Variants in SOX5 observed in about 807,000 individuals in gnomAD.
SOX5 encodes the protein SRY-box transcription factor 5, also known as transcription factor SOX-5.
Under a neutral mutation model 92.0 loss-of-function variants are expected in SOX5, and 9 were observed. That is an observed-to-expected ratio of 0.10 (90% CI 0.06 to 0.17). The LOEUF (loss-of-function observed/expected upper bound fraction) is 0.17. Ranked by LOEUF, SOX5 falls within the 10% of genes least tolerant of loss-of-function variation. SOX5 has a pLI of 1.00. For missense variants in SOX5, 642 were observed against 944.5 expected, an observed-to-expected ratio of 0.68 and a Z score of 4.20; for synonymous variants, 344 against 336.3, an observed-to-expected ratio of 1.02 and a Z score of -0.25.
At chr12:24,415,335 C>G (rs1964841403) in intron 1 of SOX5, among the ~76,000 whole-genome samples, 1 of 152,176 alleles carries the variant, frequency 6.6e-6, no homozygotes, top group African/African-American at 2.4e-5. Flanking sequence ...ACTTGTTCCT[C>G]TTTCCAGCCA....
At chr12:24,356,056 AG>A (rs1405576190) in intron 2 of SOX5, among the ~76,000 whole-genome samples, 1 of 152,254 alleles carries the variant, frequency 6.6e-6, no homozygotes, top group Non-Finnish European at 1.5e-5. Flanking sequence ...TTCACATAAA[AG>A]TGGACATTTT....
At chr12:24,209,253 G>A (rs1958339646) in intron 4 of SOX5, among the ~76,000 whole-genome samples, 1 of 152,154 alleles carries the variant, frequency 6.6e-6, no homozygotes, top group Non-Finnish European at 1.5e-5. Context: ...TCCACTGTCT[G>A]TGGCAGAAAG....
rs144824530 is a variant in SOX5, at chr12:23,734,744, T to C, written c.750A>G (p.Arg250=). The change falls in exon 6 of 15, where the codon AGA becomes AGG. Residue 250 remains arginine, a synonymous_variant. Transcript: ENST00000451604. ...GTTGCTGTAGAAGCTGCTGCTGCTG[T>C]CTTGCAATCTGTGAAGAAATTGCAC... The part of the protein sequence containing the change: ...LAKQQQEQIA[R]QQQQLLQQQH... 2,327 of 1,612,996 alleles carry C rather than the reference T, an allele frequency of 1.4e-3. 7 individuals carry two copies. The highest frequency in any genetic ancestry group is 1.3e-3 in the Non-Finnish European group (1,543 of 1,179,352).
intron 6 of SOX5, among the ~76,000 whole-genome samples, chr12:23,681,810 A>G (rs548536447): frequency 7.9e-5 from 12 of 151,950 alleles, no homozygotes; most frequent in African/African-American, 2.9e-4. Context: ...GTATATTTTA[A>G]TGTATTTTAA....
At position 23,888,637 on chromosome 12, in the gene SOX5, A is replaced by C. The variant is rs578010108; in HGVS notation, c.270+7156T>G. 5.9e-5 allele frequency among the ~76,000 whole-genome samples: 9 copies of C among 152,296 alleles called. No individual in the cohort carries two copies. The Middle Eastern group carries it at 0.014, about 230-fold the overall frequency. ...TATCCAGTGGCTTTGATGGACCCCAACTGATTGTTTTTCACACGTCCCCAT... is the reference window on the plus strand; with the variant it reads ...TATCCAGTGGCTTTGATGGACCCCACCTGATTGTTTTTCACACGTCCCCAT... On this transcript the variant is annotated intron_variant, in intron 2 of 14. Transcript: ENST00000451604.
At chr12:24,031,740 T>G (rs1955529263) in intron 4 of SOX5, among the ~76,000 whole-genome samples, 1 of 151,484 alleles carries the variant, frequency 6.6e-6, no homozygotes, top group Non-Finnish European at 1.5e-5. Context: ...ATCATTGGCA[T>G]GCAGCATGAA....
chr12:23,681,845 T>C (rs1479204118), intron 6 of SOX5, among the ~76,000 whole-genome samples: 1 of 151,806 alleles, frequency 6.6e-6, no homozygotes, highest in Non-Finnish European at 1.5e-5. Context: ...CATGAAATAG[T>C]TTATAATGAA....
At chr12:23,790,518 ACTCTCTCTCT>A in intron 3 of SOX5, among the ~76,000 whole-genome samples, 1 of 80,164 alleles carries the variant, frequency 1.2e-5, no homozygotes. Context: ...ACCTCTCACA[ACTCTCTCTCT>A]CTCTCTCTCT....
intron 3 of SOX5, among the ~76,000 whole-genome samples, chr12:23,761,921 AATTT>A (rs1229287363): frequency 6.6e-6 from 1 of 152,082 alleles, no homozygotes; most frequent in Non-Finnish European, 1.5e-5. Context: ...TATTTAACCG[AATTT>A]ATTTTTCTTC....
intron 3 of SOX5, among the ~76,000 whole-genome samples, chr12:23,756,370 G>A (rs1280534347): frequency 6.6e-6 from 1 of 151,798 alleles, no homozygotes; most frequent in East Asian, 1.9e-4. Flanking sequence ...CTTTTAAAAT[G>A]CCCTGTATTC....
chr12:23,558,871 G>A lies in SOX5; in HGVS notation c.1488+4387C>T, dbSNP rs940303681. On this transcript the variant is annotated intron_variant, in intron 11 of 14. Coordinates refer to ENST00000451604, the MANE Select transcript of SOX5 (RefSeq NM_006940.6). ...GCCTGCCTCAGCCTCCCAAAGTGCT[G>A]GGATGAGAGGTGTGAGCCACCGTGC... Among the ~76,000 whole-genome samples the A allele has an allele frequency of 8.5e-5, 13 of 152,312 alleles. No homozygotes were observed. In the South Asian group the frequency reaches 1.9e-3, roughly 22 times the overall value.
At chr12:24,088,519 G>A (rs1201893551) in intron 4 of SOX5, among the ~76,000 whole-genome samples, 4 of 151,816 alleles carry the variant, frequency 2.6e-5, no homozygotes, top group Non-Finnish European at 4.4e-5. Flanking sequence ...GAAGCACCGA[G>A]AGAAAACACA....
At chr12:23,888,261 C>T (rs1385375046) in intron 2 of SOX5, among the ~76,000 whole-genome samples, 2 of 152,136 alleles carry the variant, frequency 1.3e-5, no homozygotes, top group African/African-American at 4.8e-5. Context: ...TTCCATTAGA[C>T]CAAATCTTTT....
At chr12:24,300,116 C>G (rs1026208900) in intron 2 of SOX5, among the ~76,000 whole-genome samples, 2 of 152,166 alleles carry the variant, frequency 1.3e-5, no homozygotes, top group African/African-American at 4.8e-5. Flanking sequence ...GTATTTTAAA[C>G]TTATTTTGAC....
intron 9 of SOX5, among the ~76,000 whole-genome samples, chr12:23,590,918 C>T (rs1457764364): frequency 1.3e-5 from 2 of 152,022 alleles, no homozygotes; most frequent in African/African-American, 2.4e-5. Context: ...AAAACATTCT[C>T]ATCTCTCCTT....
At chr12:23,620,957 T>C (rs1467317610) in intron 8 of SOX5, among the ~76,000 whole-genome samples, 1 of 152,106 alleles carries the variant, frequency 6.6e-6, no homozygotes, top group African/African-American at 2.4e-5. Context: ...GAAAGGATTT[T>C]TAAACTTTTT....
chr12:24,284,224 T>C (rs1036034796), intron 2 of SOX5, among the ~76,000 whole-genome samples: 17 of 152,212 alleles, frequency 1.1e-4, no homozygotes, highest in Middle Eastern at 3.2e-3. Context: ...CTGCCTCATT[T>C]GCCCTGGGTG....
At chr12:23,699,008 A>G (rs1398509224) in intron 6 of SOX5, among the ~76,000 whole-genome samples, 1 of 152,130 alleles carries the variant, frequency 6.6e-6, no homozygotes, top group African/African-American at 2.4e-5. Flanking sequence ...CTCTTTTCCA[A>G]AGGTTCCTTA....
At chr12:24,277,599 C>T (rs1295213311) in intron 2 of SOX5, among the ~76,000 whole-genome samples, 1 of 107,408 alleles carries the variant, frequency 9.3e-6, no homozygotes, top group Non-Finnish European at 2.3e-5. Context: ...TGTAAATTTA[C>T]ATATATAAAT....
Sources: gnomAD v4.1 joint callset for allele counts (sites outside exome capture counted in the v4.1 genomes callset) on GRCh38, gnomAD v4.1.1 for gene constraint, MANE v1.5 for transcripts, NCBI Gene and HGNC (gene_info 2026-07-23, HGNC 2026-07-21) for gene names.